ZNF99: variants seen among roughly 807,000 people sequenced by gnomAD.
The protein encoded by ZNF99 is zinc finger protein 99.
A neutral mutation model predicts 12.8 loss-of-function variants in ZNF99; 8 were observed. That is an observed-to-expected ratio of 0.62 (90% confidence interval 0.37 to 1.13). ZNF99 has a LOEUF of 1.13. ZNF99 is among the 50% of genes most tolerant of loss of function. The pLI, the probability that ZNF99 is intolerant of heterozygous loss-of-function variation, is 0.02. For synonymous variants in ZNF99, 318 were observed against 319.0 expected (o/e 1.00, Z 0.03); for missense variants, 1,007 against 1,006.2 (o/e 1.00, Z -0.01).
chr19:22,781,808 A>G (rs1973390838), intron 1 of ZNF99, among the ~76,000 whole-genome samples: 1 of 152,166 alleles, frequency 6.6e-6, no homozygotes, highest in African/African-American at 2.4e-5. Flanking sequence ...GCCATGGGGA[A>G]TATTTTAGCT....
At chr19:22,772,787 T>C (rs71357949) in intron 1 of ZNF99, among the ~76,000 whole-genome samples, 15,684 of 152,180 alleles carry the variant, frequency 0.1, 1,844 homozygotes, top group African/African-American at 0.29. Flanking sequence ...GTTTTTCTTT[T>C]TTCTCAAATC....
Position 22,756,342 on chromosome 19 carries a change from G to C in ZNF99, c.*972C>G, listed in dbSNP as rs758776478. On this transcript the variant is annotated 3_prime_UTR_variant, in exon 4 of 4. Coordinates refer to ENST00000596209, the MANE Select transcript of ZNF99 (RefSeq NM_001080409.3). ...TTATGTTGAGTAAGGTGTGAGGACT[G>C]GTTAAAGGCTTTGCCACATTCTTCA... 1 of 1,593,206 alleles carries C rather than the reference G, an allele frequency of 6.3e-7. No individual in the cohort carries two copies. The highest frequency in any genetic ancestry group is 1.7e-5 in the Admixed American group (1 of 59,178).
intron 1 of ZNF99, among the ~76,000 whole-genome samples, chr19:22,781,965 C>T (rs887023087): frequency 2.7e-5 from 4 of 150,154 alleles, no homozygotes; most frequent in African/African-American, 4.9e-5. Context: ...AAAAAAAAAG[C>T]GGCACAAAGA....
rs763794974 is a variant in ZNF99 at position 22,769,183 on chromosome 19, T to G, written c.130+15A>C. ...TAGAATATAATAGGAATTGCTTAATTAAAATCATCCTCACCCAGGAAGACC... is the reference window on the plus strand; with the variant it reads ...TAGAATATAATAGGAATTGCTTAATGAAAATCATCCTCACCCAGGAAGACC... On this transcript the variant is annotated intron_variant, in intron 2 of 3. Coordinates refer to ENST00000596209, the MANE Select transcript of ZNF99 (RefSeq NM_001080409.3). The G allele has an allele frequency of 2.5e-6, 4 of 1,601,164 alleles. No individual in the cohort carries two copies. In the East Asian group the frequency reaches 9.0e-5, roughly 36 times the overall value.
Position 22,753,040 on chromosome 19 carries a change from A to G in ZNF99, c.*4274T>C, listed in dbSNP as rs1236578588. On this transcript the variant is annotated 3_prime_UTR_variant, in exon 4 of 4. Coordinates refer to ENST00000596209, the MANE Select transcript of ZNF99 (RefSeq NM_001080409.3). ...TAAAAAAGAATCTTTCATATCTCTG[A>G]TGCAGCAACAATTGATCGCATGCTT... is the stretch of plus-strand genomic sequence containing the variant. The G allele has an allele frequency of 6.6e-6, 1 of 152,104 alleles. No individual in the cohort carries two copies. The highest frequency in any genetic ancestry group is 1.5e-5 in the Non-Finnish European group (1 of 67,968). The allele number at this position is 152,104 out of a possible 1,614,324, so 9.4% of individuals were successfully genotyped here.
In ZNF99 at chr19:22,768,296, C is replaced by T; in HGVS notation, c.226+9G>A. 1 of 1,613,792 alleles carries T rather than the reference C, an allele frequency of 6.2e-7. No individual in the cohort carries two copies. The highest frequency in any genetic ancestry group is 8.5e-7 in the Non-Finnish European group (1 of 1,179,802). ...ATTTGTGTTGTTTCTTGTATTCACT[C>T]TCACATACCTGGGGGTTTAGTTACC... On this transcript the variant is annotated intron_variant, in intron 3 of 3. Transcript: ENST00000596209.
In ZNF99 at chr19:22,759,203, T is replaced by C. The variant is rs780525062; in HGVS notation, c.706A>G (p.Lys236Glu). The C allele has an allele frequency of 3.2e-6, 5 of 1,575,634 alleles. No individual in the cohort carries two copies. In the South Asian group the frequency reaches 5.7e-5, roughly 18 times the overall value. ...AACATTGAAGAGATGTTAAAAGCTT[T>C]GCCACATTTCTTATATTTGTAGGGT... is the stretch of plus-strand genomic sequence containing the variant. ...DKPYKYKKCGKAFNISSMFTK... is the reference protein window; with the variant it reads ...DKPYKYKKCGEAFNISSMFTK... The change falls in exon 4 of 4, where the codon AAA (lysine) becomes GAA (glutamate). Residue 236 changes from lysine (K) to glutamate (E), a missense_variant. Physicochemically the swap from Lys to Glu is moderately conservative, Grantham distance 56. Transcript: ENST00000596209.
chr19:22,779,767 G>A (rs1157636289), intron 1 of ZNF99, among the ~76,000 whole-genome samples: 3 of 151,794 alleles, frequency 2.0e-5, no homozygotes, highest in East Asian at 1.9e-4. Context: ...CATCCCCTCC[G>A]ACCTCCTCTC....
In ZNF99 at chr19:22,766,972, T is replaced by G. The variant is rs568812338; in HGVS notation, c.226+1333A>C. On this transcript the variant is annotated intron_variant, in intron 3 of 3. Transcript: ENST00000596209. ...GGCGTAACTTTCTTTAAGAAATCAT[T>G]TTAAATATAAATTTATCAAACTACT... is the stretch of plus-strand genomic sequence containing the variant. Among the ~76,000 whole-genome samples the G allele has an allele frequency of 3.9e-5, 6 of 151,996 alleles. No individual in the cohort carries two copies. In the South Asian group the frequency reaches 1.2e-3, roughly 32 times the overall value.
At chr19:22,780,631 C>T (rs1973376892) in intron 1 of ZNF99, among the ~76,000 whole-genome samples, 1 of 148,668 alleles carries the variant, frequency 6.7e-6, no homozygotes, top group East Asian at 2.0e-4. Context: ...GCAGAGGTTA[C>T]AGTCAGCCAA....
In ZNF99 at chr19:22,753,726, A is replaced by C. The variant is rs1405332140; in HGVS notation, c.*3588T>G. On this transcript the variant is annotated 3_prime_UTR_variant, in exon 4 of 4. Coordinates refer to ENST00000596209, the MANE Select transcript of ZNF99 (RefSeq NM_001080409.3). ...TTTTTAATATTTGTTTTAAGTATAA[A>C]CTCTGTGATGTTAAGATGTGAGCAG... 6.1e-6 allele frequency: 1 copy of C among 164,556 alleles called. No homozygotes were observed. The highest frequency in any genetic ancestry group is 6.1e-5 in the Admixed American group (1 of 16,296). The allele number at this position is 164,556 out of a possible 1,614,324, so 10.2% of individuals were successfully genotyped here. A position where few individuals can be genotyped will look rare whatever the true frequency, so the allele number is the denominator to read the frequency against.
In ZNF99 at chr19:22,758,241, C is replaced by G; in HGVS notation, c.1668G>C (p.Lys556Asn). ...ATGGTTTCTTCCCAGTATGAATTAT[C>G]TTATGTTTCATAAGGGTTGAGGAAT... is the stretch of plus-strand genomic sequence containing the variant. ...FNNSSTLMKH[K>N]IIHTGKKPYK... is the part of the protein sequence containing the mutation. Residue 556 changes from lysine (K) to asparagine (N), a missense_variant, in exon 4 of 4, where the codon AAG (lysine) becomes AAC (asparagine). Physicochemically the swap from Lys to Asn is moderately conservative, Grantham distance 94. Transcript: ENST00000596209. 1.2e-6 allele frequency: 2 copies of G among 1,600,574 alleles called. No individual in the cohort carries two copies. The highest frequency in any genetic ancestry group is 1.7e-6 in the Non-Finnish European group (2 of 1,170,106).
chr19:22,758,551 T>C lies in ZNF99; in HGVS notation c.1358A>G (p.Tyr453Cys), dbSNP rs1243023683. Residue 453 changes from tyrosine to cysteine, a missense_variant, in exon 4 of 4, where the codon TAC becomes TGC. Physicochemically the swap from Tyr to Cys is radical, Grantham distance 194. Transcript: ENST00000596209. The part of the protein sequence containing the change: ...HKIIHTGKQP[Y>C]KCEECSKAFS... ...AGCTTTGCTGCATTCTTCACATTTG[T>C]AGGGTTGCTTTCCAGTATGAATTAT... 4 of 1,613,120 alleles carry C rather than the reference T, an allele frequency of 2.5e-6. No individual in the cohort carries two copies. The highest frequency in any genetic ancestry group is 3.4e-6 in the Non-Finnish European group (4 of 1,179,560).
rs745757778 is a variant in ZNF99 at position 22,756,658 on chromosome 19, A to G, written c.*656T>C. Reference sequence around the variant, plus strand: ...CCCAGTATGAATTATCTTATGTTTCATAAGGGTCGAGAAATTGTTAAAACC... The same window carrying G: ...CCCAGTATGAATTATCTTATGTTTCGTAAGGGTCGAGAAATTGTTAAAACC... On this transcript the variant is annotated 3_prime_UTR_variant, in exon 4 of 4. Coordinates refer to ENST00000596209, the MANE Select transcript of ZNF99 (RefSeq NM_001080409.3). The G allele has an allele frequency of 2.0e-6, 3 of 1,469,510 alleles. 1 individual carries two copies. The highest frequency in any genetic ancestry group is 2.7e-6 in the Non-Finnish European group (3 of 1,100,794). The allele number at this position is 1,469,510 out of a possible 1,614,324, so 91.0% of individuals were successfully genotyped here.
At chr19:22,778,230 G>A (rs1289420760) in intron 1 of ZNF99, among the ~76,000 whole-genome samples, 1 of 151,908 alleles carries the variant, frequency 6.6e-6, no homozygotes, top group African/African-American at 2.4e-5. Flanking sequence ...ACCCTGGGAG[G>A]AGACCTGAAA....
chr19:22,756,973 A>G lies in ZNF99; in HGVS notation c.*341T>C. 1 of 1,612,000 alleles carries G rather than the reference A, an allele frequency of 6.2e-7. No individual in the cohort carries two copies. The highest frequency in any genetic ancestry group is 1.3e-5 in the African/African-American group (1 of 74,860). ...CACATTTGTATGGTTTCTCCCCAGTATGAATTATCTTATGTTTCCTAAGGG... is the reference window on the plus strand; with the variant it reads ...CACATTTGTATGGTTTCTCCCCAGTGTGAATTATCTTATGTTTCCTAAGGG... On this transcript the variant is annotated 3_prime_UTR_variant, in exon 4 of 4. Transcript: ENST00000596209.
At position 22,756,980 on chromosome 19, in the gene ZNF99, A is replaced by C. The variant is rs369435074; in HGVS notation, c.*334T>G. ...GTATGGTTTCTCCCCAGTATGAATT[A>C]TCTTATGTTTCCTAAGGGCTGAGAA... On this transcript the variant is annotated 3_prime_UTR_variant, in exon 4 of 4. Coordinates refer to ENST00000596209, the MANE Select transcript of ZNF99 (RefSeq NM_001080409.3). The C allele has an allele frequency of 3.1e-5, 50 of 1,611,540 alleles. No individual in the cohort carries two copies. Among genetic ancestry groups the C allele is most frequent in the Non-Finnish European group, 3.8e-5 (45 of 1,178,586 alleles).
chr19:22,756,699 A>C lies in ZNF99; in HGVS notation c.*615T>G, dbSNP rs751171966. ...TGTTAAAACCTTTGCCACATTCTTCACATTTGTACGGTTTCTCCCCAGTAT... is the reference window on the plus strand; with the variant it reads ...TGTTAAAACCTTTGCCACATTCTTCCCATTTGTACGGTTTCTCCCCAGTAT... On this transcript the variant is annotated 3_prime_UTR_variant, in exon 4 of 4. Coordinates refer to ENST00000596209, the MANE Select transcript of ZNF99 (RefSeq NM_001080409.3). The C allele has an allele frequency of 1.4e-6, 2 of 1,475,674 alleles. No homozygotes were observed. Among genetic ancestry groups the C allele is most frequent in the East Asian group, 5.2e-5 (2 of 38,548 alleles). 91.4% of individuals were successfully genotyped at this position (1,475,674 alleles called of 1,614,324 possible). A position where few individuals can be genotyped will look rare whatever the true frequency, so the allele number is the denominator to read the frequency against.
intron 1 of ZNF99, among the ~76,000 whole-genome samples, chr19:22,781,785 T>A (rs1031883948): frequency 1.3e-5 from 2 of 152,122 alleles, no homozygotes; most frequent in African/African-American, 4.8e-5. Context: ...CACTAGACAC[T>A]CTAGCAGACA....
Sources: gnomAD v4.1 joint callset for allele counts (sites outside exome capture counted in the v4.1 genomes callset) on GRCh38, gnomAD v4.1.1 for gene constraint, MANE v1.5 for transcripts, NCBI Gene and HGNC (gene_info 2026-07-23, HGNC 2026-07-21) for gene names.